FHAD1: variants seen among roughly 807,000 people sequenced by gnomAD.
FHAD1 encodes forkhead associated phosphopeptide binding domain 1.
A neutral mutation model predicts 191.3 loss-of-function variants in FHAD1; 146 were observed. The observed-to-expected ratio is 0.76, with a 90% CI of 0.67 to 0.88. FHAD1 has a LOEUF of 0.88. Among genes scored for constraint, FHAD1 ranks in the 40% least tolerant of loss-of-function variants. FHAD1 has a pLI of 0.00. For synonymous variants in FHAD1, 616 were observed against 672.3 expected (o/e 0.92, Z 1.29); for missense variants, 1,635 against 1,785.8 (o/e 0.92, Z 1.52).
chr1:15,274,436 C>T (rs1294729744), intron 3 of FHAD1, among the ~76,000 whole-genome samples: 3 of 151,808 alleles, frequency 2.0e-5, no homozygotes, highest in East Asian at 1.9e-4. Context: ...GGTGAAACCC[C>T]GTCTCTACTG....
chr1:15,309,015 A>T (rs1441241357), intron 7 of FHAD1, among the ~76,000 whole-genome samples: 2 of 152,204 alleles, frequency 1.3e-5, no homozygotes, highest in Non-Finnish European at 2.9e-5. Context: ...CCTGCTGAGC[A>T]TGGACCTCAC....
chr1:15,294,686 C>T (rs1228063405), intron 4 of FHAD1, among the ~76,000 whole-genome samples: 1 of 152,196 alleles, frequency 6.6e-6, no homozygotes, highest in Non-Finnish European at 1.5e-5. Context: ...AGCCACCAGG[C>T]CTGGCCCGGC....
At chr1:15,324,059 G>C (rs953155310) in intron 10 of FHAD1, among the ~76,000 whole-genome samples, 5 of 152,146 alleles carry the variant, frequency 3.3e-5, no homozygotes, top group African/African-American at 1.2e-4. Context: ...CCCTTACGAA[G>C]CGCTGTCACT....
chr1:15,242,944 C>T (rs113661944), upstream of FHAD1, among the ~76,000 whole-genome samples: 2 of 152,226 alleles, frequency 1.3e-5, no homozygotes, highest in African/African-American at 4.8e-5. Context: ...ACCCATTTTA[C>T]AGGTGAGGGA....
At chr1:15,395,741 G>C (rs181862614) in intron 33 of FHAD1, among the ~76,000 whole-genome samples, 1 of 152,342 alleles carries the variant, frequency 6.6e-6, no homozygotes, top group Admixed American at 6.5e-5. Context: ...GCCCAGGACA[G>C]CTTTAAATGC....
chr1:15,256,022 C>G (rs551463412), intron 2 of FHAD1, among the ~76,000 whole-genome samples: 1 of 152,354 alleles, frequency 6.6e-6, no homozygotes, highest in South Asian at 2.1e-4. Context: ...CCCCTGCCCC[C>G]ACCTGCATTG....
chr1:15,308,331 C>T (rs1161593339), intron 6 of FHAD1, among the ~76,000 whole-genome samples: 36 of 152,180 alleles, frequency 2.4e-4, no homozygotes, highest in Admixed American at 2.4e-3. Context: ...CAAAGGTCAT[C>T]AGAAGGCACA....
At chr1:15,314,637 G>A (rs77097277) in intron 8 of FHAD1, 2 of 22,100 alleles carry the variant, frequency 9.0e-5, no homozygotes, top group East Asian at 1.1e-3. Context: ...GGATGTATGT[G>A]GGTGTGTGGG....
At chr1:15,277,169 A>G (rs756698063) in intron 3 of FHAD1, among the ~76,000 whole-genome samples, 1 of 152,116 alleles carries the variant, frequency 6.6e-6, no homozygotes, top group African/African-American at 2.4e-5. Flanking sequence ...CCCTGCTCCC[A>G]TTCCAGCCAG....
intron 33 of FHAD1, among the ~76,000 whole-genome samples, chr1:15,392,839 G>T (rs2103138129): frequency 6.6e-6 from 1 of 152,102 alleles, no homozygotes; most frequent in Middle Eastern, 3.4e-3. Context: ...TGGGCTATAT[G>T]CTATAAAGGA....
rs1674651550 is a variant in FHAD1 at position 15,316,992 on chromosome 1, C to T, written c.1260+525C>T. Among the ~76,000 whole-genome samples, 1 of 152,150 alleles carries T rather than the reference C, an allele frequency of 6.6e-6. No homozygotes were observed. Among genetic ancestry groups the T allele is most frequent in the African/African-American group, 2.4e-5 (1 of 41,426 alleles). On this transcript the variant is annotated intron_variant, in intron 9 of 33. Coordinates refer to ENST00000688493, the MANE Select transcript of FHAD1 (RefSeq NM_001391957.1). The surrounding 1 kb of genome is among the most constrained non-coding windows in gnomAD (Gnocchi z 4.3). ...CCTGAGCTCAGAGGTTCTAGACCAG[C>T]CTGGGGAACACGGTGAAACCCCGTC...
At chr1:15,321,496 C>T (rs923520054) in intron 10 of FHAD1, among the ~76,000 whole-genome samples, 4 of 152,192 alleles carry the variant, frequency 2.6e-5, no homozygotes, top group East Asian at 3.8e-4. Flanking sequence ...ACTTTAACTT[C>T]GCTTACCCCA....
At chr1:15,380,844 C>T in intron 29 of FHAD1, 48 bp downstream of exon 29, 4 of 1,421,938 alleles carry the variant, frequency 2.8e-6, no homozygotes, top group Middle Eastern at 2.1e-4. Context: ...GCCTGGGGCC[C>T]CTGCAGTCAG....
intron 1 of FHAD1, among the ~76,000 whole-genome samples, chr1:15,248,882 CCAGCCAGAGATG>C (rs1646425034): frequency 6.6e-6 from 1 of 152,110 alleles, no homozygotes; most frequent in Non-Finnish European, 1.5e-5. Flanking sequence ...GCCACCGTGC[CCAGCCAGAGATG>C]ACATTTTTAT....
intron 21 of FHAD1, among the ~76,000 whole-genome samples, chr1:15,359,903 T>C (rs1439887967): frequency 3.3e-5 from 5 of 151,714 alleles, no homozygotes; most frequent in East Asian, 3.9e-4. Context: ...TGAGCCGAGA[T>C]CGCGCCACTG....
chr1:15,304,578 T>G (rs1669826379), intron 6 of FHAD1, among the ~76,000 whole-genome samples: 1 of 152,136 alleles, frequency 6.6e-6, no homozygotes, highest in Admixed American at 6.5e-5. Flanking sequence ...GAGCTGTAAC[T>G]TTTTTAAAAA....
chr1:15,297,819 T>G (rs1464928780), intron 5 of FHAD1, among the ~76,000 whole-genome samples: 1 of 152,206 alleles, frequency 6.6e-6, no homozygotes, highest in Non-Finnish European at 1.5e-5. Context: ...TTGTTATTTT[T>G]TTTTAGTTTC....
Position 15,296,687 on chromosome 1 carries a change from G to A in FHAD1, c.572G>A (p.Trp191Ter), listed in dbSNP as rs1667102662. The A allele has an allele frequency of 3.2e-6, 5 of 1,551,968 alleles. No individual in the cohort carries two copies. In the South Asian group the frequency reaches 4.8e-5, roughly 15 times the overall value. The change falls in exon 5 of 34, where the codon TGG becomes TAG. Residue 191 changes from tryptophan to a stop codon, truncating the protein, a stop_gained. Transcript: ENST00000688493. LOFTEE classifies it high-confidence loss of function. ...CTCTGCTGATCTCACGCCTTAGTGTGGACCAATGCCATGAAACTGTCAGAA... is the reference window on the plus strand; with the variant it reads ...CTCTGCTGATCTCACGCCTTAGTGTAGACCAATGCCATGAAACTGTCAGAA... ...ARKPPVIKQV[W>*]TNAMKLSEKS...
At chr1:15,295,737 C>T (rs1318612136) in intron 4 of FHAD1, among the ~76,000 whole-genome samples, 1 of 152,202 alleles carries the variant, frequency 6.6e-6, no homozygotes, top group Admixed American at 6.5e-5. Context: ...CCAGCTGTAT[C>T]TATTTCTTGT....
Sources: gnomAD v4.1 joint callset for allele counts (sites outside exome capture counted in the v4.1 genomes callset) on GRCh38, gnomAD v4.1.1 for gene constraint, Gnocchi (gnomAD v3.1) non-coding constraint, MANE v1.5 for transcripts, NCBI Gene and HGNC (gene_info 2026-07-23, HGNC 2026-07-21) for gene names.